CIAPIN1: variants seen among roughly 807,000 people sequenced by gnomAD.
CIAPIN1 encodes anamorsin.
CIAPIN1 carries 18 observed loss-of-function variants against 34.3 expected under a neutral mutation model. That is an observed-to-expected ratio of 0.52 (90% CI 0.36 to 0.78). The LOEUF (loss-of-function observed/expected upper bound fraction) is 0.78. Among genes scored for constraint, CIAPIN1 ranks in the 30% least tolerant of loss-of-function variants. CIAPIN1 has a pLI of 0.00. For missense variants in CIAPIN1, 310 were observed against 372.5 expected (o/e 0.83, Z 1.38); for synonymous variants, 131 against 140.4 (o/e 0.93, Z 0.47).
At chr16:57,433,949 C>T in intron 5 of CIAPIN1, 95 bp downstream of exon 5, 1 of 1,131,144 alleles carries the variant, frequency 8.8e-7, no homozygotes, top group Non-Finnish European at 1.3e-6. Flanking sequence ...GACTAATCCT[C>T]TAAAAATATC....
At chr16:57,432,775 G>A (rs1387850222) in intron 5 of CIAPIN1, among the ~76,000 whole-genome samples, 1 of 152,188 alleles carries the variant, frequency 6.6e-6, no homozygotes, top group Non-Finnish European at 1.5e-5. Flanking sequence ...CTAAGCTCTT[G>A]CTTTGCACCA....
rs10492810 is a variant in CIAPIN1 at position 57,444,643 on chromosome 16, A to T, written c.-56+2699T>A. 8.4e-3 allele frequency among the ~76,000 whole-genome samples: 1,274 copies of T among 152,362 alleles called. 36 individuals carry two copies. The highest frequency in any genetic ancestry group is 0.079 in the East Asian group (411 of 5,188). On this transcript the variant is annotated intron_variant, in intron 1 of 8. Coordinates refer to ENST00000394391, the MANE Select transcript of CIAPIN1 (RefSeq NM_020313.4). Reference sequence around the variant, plus strand: ...CCAAAACTAATCTTATGGCAAGAGGAGCTTATGAACTACATTCATTAAACA... The same window carrying T: ...CCAAAACTAATCTTATGGCAAGAGGTGCTTATGAACTACATTCATTAAACA...
chr16:57,432,677 A>T (rs938428345), intron 5 of CIAPIN1, 117 bp from the exon 6 acceptor site: 2 of 942,452 alleles, frequency 2.1e-6, no homozygotes, highest in Middle Eastern at 3.4e-4. Flanking sequence ...GGGAGGCAGA[A>T]GATGTGGGTT....
chr16:57,431,260 T>C lies in CIAPIN1; in HGVS notation c.637A>G (p.Ile213Val). The C allele has an allele frequency of 6.2e-7, 1 of 1,604,692 alleles. No homozygotes were observed. The highest frequency in any genetic ancestry group is 8.5e-7 in the Non-Finnish European group (1 of 1,171,750). ...GGATCCAGCAGCTCATCTGAGTCAA[T>C]GAGATCCTGGAGAGTGTTCAAAGCA... ...NDMEDDSMDLIDSDELLDPED... is the reference protein window; with the variant it reads ...NDMEDDSMDLVDSDELLDPED... The change falls in exon 7 of 9, where the codon ATT becomes GTT. Residue 213 changes from isoleucine to valine, a missense_variant. Ile to Val is a conservative substitution (Grantham distance 29, BLOSUM62 3). Transcript: ENST00000394391.
intron 1 of CIAPIN1, among the ~76,000 whole-genome samples, chr16:57,443,252 G>A (rs747134000): frequency 1.3e-4 from 19 of 149,690 alleles, no homozygotes; most frequent in Admixed American, 1.3e-4. Flanking sequence ...CGATTCTCAC[G>A]CCTCAGTTTC....
chr16:57,445,457 A>G (rs1212747309), intron 1 of CIAPIN1, among the ~76,000 whole-genome samples: 1 of 152,200 alleles, frequency 6.6e-6, no homozygotes, highest in African/African-American at 2.4e-5. Context: ...GTAGTGGACC[A>G]AGATCTTGCC....
Position 57,430,336 on chromosome 16 carries a change from G to A in CIAPIN1, c.750C>T (p.Thr250=). ...GKKRKACKNC[T]CGLAEELEKE... ...TTTCCAGTTCTTCGGCAAGGCCACA[G>A]GTGCTGCGGGAAAATCAGTAACTAA... is the stretch of plus-strand genomic sequence containing the variant. Residue 250 remains threonine (T), a synonymous_variant, in exon 8 of 9, where the codon ACC becomes ACT. Coordinates refer to ENST00000394391, the MANE Select transcript of CIAPIN1 (RefSeq NM_020313.4). 1 of 1,614,172 alleles carries A rather than the reference G, an allele frequency of 6.2e-7. No homozygotes were observed. The highest frequency in any genetic ancestry group is 1.1e-5 in the South Asian group (1 of 91,082).
In CIAPIN1 at chr16:57,439,297, T is replaced by C. The variant is rs1567573043; in HGVS notation, c.195A>G (p.Ser65=). ...HKESSFDIIL[S]GLVPGSTTLH... is the part of the protein sequence containing the mutation. ...GAGTGGTGCTTCCTGGGACTAAACC[T>C]GACAAAATAATGTCAAAGCTGGATT... Residue 65 remains serine (S), a synonymous_variant, in exon 3 of 9, where the codon TCA becomes TCG. Coordinates refer to ENST00000394391, the MANE Select transcript of CIAPIN1 (RefSeq NM_020313.4). 5 of 1,614,136 alleles carry C rather than the reference T, an allele frequency of 3.1e-6. No individual in the cohort carries two copies. The East Asian group carries it at 1.1e-4, about 36-fold the overall frequency.
intron 7 of CIAPIN1, chr16:57,430,653 T>C (rs1310454914): frequency 1.6e-5 from 5 of 315,600 alleles, no homozygotes; most frequent in South Asian, 8.3e-5. Flanking sequence ...GGGAAAAAAA[T>C]CTGTGTTTTC....
intron 4 of CIAPIN1, among the ~76,000 whole-genome samples, chr16:57,434,532 C>T (rs1903158243): frequency 6.6e-6 from 1 of 152,094 alleles, no homozygotes; most frequent in African/African-American, 2.4e-5. Context: ...TACTGTGTAA[C>T]AGGAAAGAAT....
rs1413281643 is a variant in CIAPIN1, at chr16:57,428,354, C to A, written c.*816G>T. 2.6e-5 allele frequency: 4 copies of A among 152,164 alleles called. No homozygotes were observed. The highest frequency in any genetic ancestry group is 4.4e-5 in the Non-Finnish European group (3 of 68,042). The allele number at this position is 152,164 out of a possible 1,614,324, so 9.4% of individuals were successfully genotyped here. On this transcript the variant is annotated 3_prime_UTR_variant, in exon 9 of 9. Transcript: ENST00000394391. ...ACGTATTGTCGTTCAGAGTTCTGCC[C>A]TGCTTCCCTCTAAATGCTCACCAAC...
chr16:57,446,622 T>C (rs1195193622), intron 1 of CIAPIN1, among the ~76,000 whole-genome samples: 1 of 152,174 alleles, frequency 6.6e-6, no homozygotes, highest in Admixed American at 6.5e-5. Flanking sequence ...CGTGACCTCC[T>C]TGAGCCATCC....
chr16:57,440,381 G>T (rs1384329819), intron 2 of CIAPIN1, among the ~76,000 whole-genome samples: 1 of 152,138 alleles, frequency 6.6e-6, no homozygotes, highest in Admixed American at 6.5e-5. Flanking sequence ...TGTGAAGCAT[G>T]TGATCTCTGT....
At position 57,429,176 on chromosome 16, in the gene CIAPIN1, A is replaced by C; in HGVS notation, c.933T>G (p.Asp311Glu). The C allele has an allele frequency of 6.2e-7, 1 of 1,610,340 alleles. No individual in the cohort carries two copies. Among genetic ancestry groups the C allele is most frequent in the Non-Finnish European group, 8.5e-7 (1 of 1,178,038 alleles). ...KVLLSDSNLH[D>E]A is the part of the protein sequence containing the mutation. The stretch of plus-strand genomic sequence containing the variant: ...GTCCCATGTCAGGAACCTCCTAGGC[A>C]TCATGAAGATTGCTATCACTCAGAA... Residue 311 changes from aspartate (D) to glutamate (E), a missense_variant, in exon 9 of 9, where the codon GAT (aspartate) becomes GAG (glutamate). By Grantham distance (45) the Asp-to-Glu change is conservative (BLOSUM62 2). Transcript: ENST00000394391.
Position 57,434,215 on chromosome 16 carries a change from A to G in CIAPIN1, c.388-3T>C, listed in dbSNP as rs766799424. Reference sequence around the variant, plus strand: ...GGGGTTAGGGGCTCCCGCTGCAGCTAGAATTCAAGACATCAAAAGGATTAG... The same window carrying G: ...GGGGTTAGGGGCTCCCGCTGCAGCTGGAATTCAAGACATCAAAAGGATTAG... On this transcript the variant is annotated splice_region_variant and splice_polypyrimidine_tract_variant and intron_variant, in intron 4 of 8. Transcript: ENST00000394391. The G allele has an allele frequency of 1.3e-5, 21 of 1,613,696 alleles. No individual in the cohort carries two copies. In the Admixed American group the frequency reaches 1.8e-4, roughly 14 times the overall value.
At chr16:57,439,442 C>G in intron 2 of CIAPIN1, 108 bp from the exon 3 acceptor site, 1 of 1,084,108 alleles carries the variant, frequency 9.2e-7, no homozygotes, top group Non-Finnish European at 1.4e-6. Context: ...AGAATGGACA[C>G]CACTCGATAT....
chr16:57,428,807 C>A lies in CIAPIN1; in HGVS notation c.*363G>T. 5.9e-6 allele frequency: 1 copy of A among 168,658 alleles called. No individual in the cohort carries two copies. Among genetic ancestry groups the A allele is most frequent in the Non-Finnish European group, 1.3e-5 (1 of 78,834 alleles). The allele number at this position is 168,658 out of a possible 1,614,324, so 10.4% of individuals were successfully genotyped here. On this transcript the variant is annotated 3_prime_UTR_variant, in exon 9 of 9. Coordinates refer to ENST00000394391, the MANE Select transcript of CIAPIN1 (RefSeq NM_020313.4). ...AGCATTGCTGAGATGAGACTCAAGG[C>A]AGGGGTCTGCAGCTCTGTCACAGAG... is the stretch of plus-strand genomic sequence containing the variant.
chr16:57,430,384 A>T (rs1185129210), intron 7 of CIAPIN1, 45 bp from the exon 8 acceptor site: 3 of 1,584,762 alleles, frequency 1.9e-6, no homozygotes, highest in Non-Finnish European at 1.7e-6. Context: ...GTCACCACCC[A>T]GAAATCCCAA....
rs765054650 is a variant in CIAPIN1, at chr16:57,439,349, A to G, written c.158-15T>C. Reference sequence around the variant, plus strand: ...TTTGTGGGCAGCTGAAAAGAAGAGGACTCTAATTAGCAATCTCCTGAGCCT... The same window carrying G: ...TTTGTGGGCAGCTGAAAAGAAGAGGGCTCTAATTAGCAATCTCCTGAGCCT... On this transcript the variant is annotated splice_polypyrimidine_tract_variant and intron_variant, in intron 2 of 8. Transcript: ENST00000394391. 6.2e-7 allele frequency: 1 copy of G among 1,614,012 alleles called. No homozygotes were observed. Among genetic ancestry groups the G allele is most frequent in the South Asian group, 1.1e-5 (1 of 91,068 alleles).
Sources: gnomAD v4.1 joint callset for allele counts (sites outside exome capture counted in the v4.1 genomes callset) on GRCh38, gnomAD v4.1.1 for gene constraint, MANE v1.5 for transcripts, NCBI Gene and HGNC (gene_info 2026-07-23, HGNC 2026-07-21) for gene names.